The following NEBL variants were observed in gnomAD, a reference collection of about 807,000 sequenced individuals.
NEBL encodes nebulette.
In NEBL, 122 loss-of-function variants were observed where a neutral mutation model predicts 140.2. The observed-to-expected ratio is 0.87, with a 90% CI of 0.75 to 1.01. The LOEUF is 1.01. NEBL is among the 50% of genes least tolerant of loss of function. NEBL has a pLI of 0.00. For missense variants in NEBL, 1,365 were observed against 1,231.3 expected (o/e 1.11, Z -1.62); for synonymous variants, 436 against 398.9 (o/e 1.09, Z -1.11).
chr10:21,057,416 C>T (rs1350510325), intron 2 of NEBL, among the ~76,000 whole-genome samples: 7 of 151,702 alleles, frequency 4.6e-5, no homozygotes, highest in Non-Finnish European at 1.0e-4. Context: ...CAAGCAACAC[C>T]GAGAAAAACC....
chr10:21,180,944 C>T (rs1208857408), intron 3 of NEBL, among the ~76,000 whole-genome samples: 1 of 152,002 alleles, frequency 6.6e-6, no homozygotes, highest in Non-Finnish European at 1.5e-5. Flanking sequence ...GGGACCTCTG[C>T]ACTGTATTTT....
At chr10:20,941,896 T>C (rs1834889578) in intron 4 of NEBL, among the ~76,000 whole-genome samples, 2 of 151,968 alleles carry the variant, frequency 1.3e-5, no homozygotes, top group Non-Finnish European at 2.9e-5. Flanking sequence ...GTGAAGGACC[T>C]CTTCAAGGAG....
intron 4 of NEBL, among the ~76,000 whole-genome samples, chr10:20,921,075 A>G (rs1226924606): frequency 6.6e-6 from 1 of 152,242 alleles, no homozygotes; most frequent in Non-Finnish European, 1.5e-5. Context: ...AATATTTCCA[A>G]TCTACATTCG....
chr10:20,884,666 C>A (rs908024423), intron 4 of NEBL, among the ~76,000 whole-genome samples: 3 of 152,192 alleles, frequency 2.0e-5, no homozygotes, highest in Admixed American at 1.3e-4. Flanking sequence ...GTGCTGTTAA[C>A]CCCATAGCAT....
At position 20,949,488 on chromosome 10, in the gene NEBL, C is replaced by T. The variant is rs980868931; in HGVS notation, c.357+12184G>A. Among the ~76,000 whole-genome samples, 8 of 152,148 alleles carry T rather than the reference C, an allele frequency of 5.3e-5. No individual in the cohort carries two copies. In the South Asian group the frequency reaches 1.4e-3, roughly 28 times the overall value. ...AATAAAAAGAAATTCAAAAGTATCA[C>T]ACACAGGTTGGAGGCAGGAAAAGAG... On this transcript the variant is annotated intron_variant, in intron 4 of 6. Transcript: ENST00000417816.
At chr10:21,149,376 C>T (rs1444775153) in intron 2 of NEBL, among the ~76,000 whole-genome samples, 7 of 152,082 alleles carry the variant, frequency 4.6e-5, no homozygotes, top group South Asian at 2.1e-4. Flanking sequence ...CTGCAACCTC[C>T]GCCTCCTGGG....
intron 3 of NEBL, among the ~76,000 whole-genome samples, chr10:21,206,174 G>A (rs1273215104): frequency 6.6e-6 from 1 of 152,140 alleles, no homozygotes; most frequent in Non-Finnish European, 1.5e-5. Flanking sequence ...TATTAGTAAC[G>A]CAATGCATCT....
chr10:20,971,513 G>A (rs566368818), intron 3 of NEBL, among the ~76,000 whole-genome samples: 2 of 148,180 alleles, frequency 1.3e-5, no homozygotes, highest in Non-Finnish European at 3.0e-5. Context: ...AGTTACATAT[G>A]TATACATGTG....
intron 2 of NEBL, among the ~76,000 whole-genome samples, chr10:21,052,712 C>T (rs557595598): frequency 6.6e-6 from 1 of 152,310 alleles, no homozygotes; most frequent in East Asian, 1.9e-4. Flanking sequence ...AGCAGTGCCG[C>T]TCCACCCCTC....
chr10:21,201,580 T>G (rs933107484), intron 3 of NEBL, among the ~76,000 whole-genome samples: 2 of 148,880 alleles, frequency 1.3e-5, no homozygotes, highest in African/African-American at 2.4e-5. Flanking sequence ...GAATATGTAT[T>G]TTTTAAAAAG....
intron 2 of NEBL, among the ~76,000 whole-genome samples, chr10:21,148,831 CCTCCTTTTGTCTG>C (rs1840021594): frequency 1.3e-5 from 2 of 152,022 alleles, no homozygotes; most frequent in Non-Finnish European, 2.9e-5. Flanking sequence ...CGGCCCCTGT[CCTCCTTTTGTCTG>C]CTCCTTTTTC....
At chr10:20,905,098 G>A (rs1056502402) in intron 4 of NEBL, among the ~76,000 whole-genome samples, 16 of 152,152 alleles carry the variant, frequency 1.1e-4, no homozygotes, top group African/African-American at 3.9e-4. Context: ...GGAAACAAAG[G>A]AAAGGGTTTT....
chr10:21,282,943 G>A (rs1843010631), intron 1 of NEBL, among the ~76,000 whole-genome samples: 1 of 152,096 alleles, frequency 6.6e-6, no homozygotes, highest in African/African-American at 2.4e-5. Flanking sequence ...TGGCCAACAT[G>A]GTGAAACCCC....
intron 2 of NEBL, among the ~76,000 whole-genome samples, chr10:21,033,880 A>G (rs992432540): frequency 2.6e-5 from 4 of 152,106 alleles, no homozygotes; most frequent in African/African-American, 9.7e-5. Context: ...TTTAAAAAAC[A>G]CCAGTCTGGG....
intron 16 of NEBL, among the ~76,000 whole-genome samples, chr10:20,828,843 T>C (rs1049447891): frequency 1.3e-5 from 2 of 152,116 alleles, no homozygotes; most frequent in Non-Finnish European, 2.9e-5. Flanking sequence ...ACATGGCTTC[T>C]AGATTTACGC....
chr10:20,854,102 T>C (rs1017961537), intron 9 of NEBL, among the ~76,000 whole-genome samples: 7 of 152,210 alleles, frequency 4.6e-5, no homozygotes, highest in Non-Finnish European at 7.3e-5. Context: ...GGACACTTTG[T>C]TATTTTGCCT....
chr10:20,842,054 A>G (rs889553307), intron 12 of NEBL, among the ~76,000 whole-genome samples: 1 of 152,124 alleles, frequency 6.6e-6, no homozygotes, highest in African/African-American at 2.4e-5. Context: ...AGTTGCATTT[A>G]TGATTAACTT....
intron 2 of NEBL, among the ~76,000 whole-genome samples, chr10:21,124,911 G>A (rs1487668292): frequency 6.6e-6 from 1 of 152,178 alleles, no homozygotes; most frequent in Non-Finnish European, 1.5e-5. Flanking sequence ...AGTGAGTTAC[G>A]ATCACAGGAC....
intron 2 of NEBL, among the ~76,000 whole-genome samples, chr10:21,169,446 G>A (rs947889050): frequency 1.3e-5 from 2 of 152,034 alleles, no homozygotes; most frequent in East Asian, 1.9e-4. Context: ...CACAACCACA[G>A]GGAGCAGCTG....
Sources: gnomAD v4.1 joint callset for allele counts (sites outside exome capture counted in the v4.1 genomes callset) on GRCh38, gnomAD v4.1.1 for gene constraint, MANE v1.5 for transcripts, NCBI Gene and HGNC (gene_info 2026-07-23, HGNC 2026-07-21) for gene names.